The following IL11 variants were observed in gnomAD, a reference collection of about 807,000 sequenced individuals.
The protein encoded by IL11 is interleukin-11.
Under a neutral mutation model 18.1 loss-of-function variants are expected in IL11, and 17 were observed. The ratio of observed to expected loss-of-function variants is 0.94; its 90% CI spans 0.64 to 1.41. The LOEUF (loss-of-function observed/expected upper bound fraction) is 1.41. IL11 is among the 40% of genes most tolerant of loss of function. IL11 has a pLI of 0.00. For synonymous variants in IL11, 144 were observed against 134.1 expected (o/e 1.07, Z -0.51); for missense variants, 309 against 262.8 (o/e 1.18, Z -1.22).
At position 55,369,138 on chromosome 19, in the gene IL11, G is replaced by T. The variant is rs1442515149; in HGVS notation, c.8-197C>A. ...GGGGTCTGGACTCCTGGGTCTCGGG[G>T]AGGAGGGTCTGGGGCCTGGACTCCC... is the stretch of plus-strand genomic sequence containing the variant. On this transcript the variant is annotated intron_variant, in intron 1 of 4. Transcript: ENST00000264563. The surrounding 1 kb of genome is among the most constrained non-coding windows in gnomAD (Gnocchi z 6.1). The T allele has an allele frequency of 4.1e-6, 2 of 484,220 alleles. No homozygotes were observed. Among genetic ancestry groups the T allele is most frequent in the Non-Finnish European group, 7.2e-6 (2 of 276,262 alleles). 30.0% of individuals were successfully genotyped at this position (484,220 alleles called of 1,614,324 possible).
chr19:55,366,152 G>A lies in IL11; in HGVS notation c.455C>T (p.Pro152Leu). 6.7e-7 allele frequency: 1 copy of A among 1,503,048 alleles called. No individual in the cohort carries two copies. The highest frequency in any genetic ancestry group is 8.9e-7 in the Non-Finnish European group (1 of 1,120,044). The allele number at this position is 1,503,048 out of a possible 1,614,324, so 93.1% of individuals were successfully genotyped here. Residue 152 changes from proline to leucine, a missense_variant, in exon 5 of 5, where the codon CCA becomes CTA. Physicochemically the swap from Pro to Leu is moderately conservative, Grantham distance 98. Coordinates refer to ENST00000264563, the MANE Select transcript of IL11 (RefSeq NM_000641.4). This position sits in a 1 kb window ranked among gnomAD's most constrained non-coding sequence, Gnocchi z 4.6. ...CGGGGGCGCCGGCGGGTCCGGGGGT[G>A]GCTGGGGCAGGGCCAGGCGGGACAT... ...LLMSRLALPQPPPDPPAPPLA... is the reference protein window; with the variant it reads ...LLMSRLALPQLPPDPPAPPLA...
Position 55,368,820 on chromosome 19 carries a change from C to T in IL11, c.129G>A (p.Val43=). Residue 43 remains valine (V), a synonymous_variant, in exon 2 of 5, where the codon GTG becomes GTA. Transcript: ENST00000264563. ...CCGCCAGGAGAGAGCGGGTCAGGAG[C>T]ACGGTGCTGTCCAGCTCGGCCCGAG... ...PDPRAELDST[V]LLTRSLLADT... The T allele has an allele frequency of 6.3e-7, 1 of 1,593,262 alleles. No individual in the cohort carries two copies. The highest frequency in any genetic ancestry group is 8.5e-7 in the Non-Finnish European group (1 of 1,170,770).
intron 2 of IL11, 29 bp downstream of exon 2, chr19:55,368,740 T>C (rs1328028670): frequency 1.3e-6 from 2 of 1,554,294 alleles, no homozygotes; most frequent in Admixed American, 3.9e-5. Flanking sequence ...CTCTCACTCC[T>C]GTGCTGGCCC....
intron 4 of IL11, 109 bp downstream of exon 4, chr19:55,368,101 G>C: frequency 2.2e-6 from 2 of 929,286 alleles, no homozygotes; most frequent in Non-Finnish European, 3.2e-6. Context: ...GTCTCAGAGC[G>C]GGGCTGTTGC....
At chr19:55,370,263 T>C in intron 1 of IL11, 41 bp downstream of exon 1, 1 of 1,458,366 alleles carries the variant, frequency 6.9e-7, no homozygotes, top group Non-Finnish European at 9.4e-7. Context: ...CTCTCCTCCC[T>C]GCCTCCCTGT....
At chr19:55,368,594 T>C (rs765337084) in intron 2 of IL11, 25 bp from the exon 3 acceptor site, 1 of 1,589,860 alleles carries the variant, frequency 6.3e-7, no homozygotes, top group Admixed American at 1.8e-5. Flanking sequence ...AGCTGTGAGG[T>C]GGCCCCTGCC....
chr19:55,368,623 C>T (rs1246959117), intron 2 of IL11, 54 bp from the exon 3 acceptor site: 5 of 1,530,774 alleles, frequency 3.3e-6, no homozygotes, highest in Non-Finnish European at 4.4e-6. Flanking sequence ...GGGCTCCCTC[C>T]ATCCCCCACG....
rs1485876352 is a variant in IL11, at chr19:55,368,889, G to A, written c.60C>T (p.Val20=). Residue 20 remains valine (V), a synonymous_variant, in exon 2 of 5, where the codon GTC becomes GTT. Coordinates refer to ENST00000264563, the MANE Select transcript of IL11 (RefSeq NM_000641.4). ...VVLSLWPDTA[V]APGPPPGPPR... The stretch of plus-strand genomic sequence containing the variant: ...GGGGGCCAGGTGGTGGCCCAGGGGC[G>A]ACAGCTGTATCTGGCCACAGGCTCA... 1.9e-6 allele frequency: 3 copies of A among 1,564,468 alleles called. No homozygotes were observed. Among genetic ancestry groups the A allele is most frequent in the Middle Eastern group, 1.7e-4 (1 of 5,992 alleles).
In IL11 at chr19:55,365,876, A is replaced by T. The variant is rs2089781863; in HGVS notation, c.*131T>A. The T allele has an allele frequency of 7.1e-7, 1 of 1,411,436 alleles. No individual in the cohort carries two copies. The highest frequency in any genetic ancestry group is 9.6e-7 in the Non-Finnish European group (1 of 1,037,044). 87.4% of individuals were successfully genotyped at this position (1,411,436 alleles called of 1,614,324 possible). A position where few individuals can be genotyped will look rare whatever the true frequency, so the allele number is the denominator to read the frequency against. Reference sequence around the variant, plus strand: ...AAGGCACAGATGCCCCCCAGGCCTCACGGAAGGACTGTCTCTAACTAGGGG... The same window carrying T: ...AAGGCACAGATGCCCCCCAGGCCTCTCGGAAGGACTGTCTCTAACTAGGGG... On this transcript the variant is annotated 3_prime_UTR_variant, in exon 5 of 5. Coordinates refer to ENST00000264563, the MANE Select transcript of IL11 (RefSeq NM_000641.4).
In IL11 at chr19:55,369,067, G is replaced by A. The variant is rs2089804812; in HGVS notation, c.8-126C>T. On this transcript the variant is annotated intron_variant, in intron 1 of 4. Transcript: ENST00000264563. This position sits in a 1 kb window ranked among gnomAD's most constrained non-coding sequence, Gnocchi z 6.1. ...CTGGACTCCTCCTGGGTCTGAGGGA[G>A]GAGAGGCTGGGGGCCTGGACTCCTA... is the stretch of plus-strand genomic sequence containing the variant. 4 of 791,954 alleles carry A rather than the reference G, an allele frequency of 5.1e-6. No individual in the cohort carries two copies. Among genetic ancestry groups the A allele is most frequent in the Non-Finnish European group, 7.5e-6 (4 of 536,410 alleles). 49.1% of individuals were successfully genotyped at this position (791,954 alleles called of 1,614,324 possible).
rs1176581669 is a variant in IL11, at chr19:55,369,526, G to A, written c.8-585C>T. ...AGACGCCCTCCCAGGAGCCCCGCCG[G>A]GTGGGCGGCAGAAGCCCGGGCCGCA... On this transcript the variant is annotated intron_variant, in intron 1 of 4. Transcript: ENST00000264563. This position sits in a 1 kb window ranked among gnomAD's most constrained non-coding sequence, Gnocchi z 6.1. Among the ~76,000 whole-genome samples the A allele has an allele frequency of 6.6e-6, 1 of 151,612 alleles. No homozygotes were observed. The highest frequency in any genetic ancestry group is 1.5e-5 in the Non-Finnish European group (1 of 67,806).
In IL11 at chr19:55,366,252, G is replaced by A. The variant is rs1388567516; in HGVS notation, c.430-75C>T. ...TGCAGGGCAGGGGTGCTGTGGAGCT[G>A]CAGCTGAATCGGGGCTGCATATTCA... On this transcript the variant is annotated intron_variant, in intron 4 of 4. Coordinates refer to ENST00000264563, the MANE Select transcript of IL11 (RefSeq NM_000641.4). The surrounding 1 kb of genome is among the most constrained non-coding windows in gnomAD (Gnocchi z 4.6). 3 of 1,410,914 alleles carry A rather than the reference G, an allele frequency of 2.1e-6. No homozygotes were observed. Among genetic ancestry groups the A allele is most frequent in the Non-Finnish European group, 2.8e-6 (3 of 1,077,514 alleles). The allele number at this position is 1,410,914 out of a possible 1,614,324, so 87.4% of individuals were successfully genotyped here.
In IL11 at chr19:55,364,903, A is replaced by C. The variant is rs1428038651; in HGVS notation, c.*1104T>G. The stretch of plus-strand genomic sequence containing the variant: ...ATCCACAGATGCACCATGTTGCTTA[A>C]CCCTCACTGTTGGATATCTAGATTG... On this transcript the variant is annotated 3_prime_UTR_variant, in exon 5 of 5. Coordinates refer to ENST00000264563, the MANE Select transcript of IL11 (RefSeq NM_000641.4). The C allele has an allele frequency of 6.6e-6, 1 of 152,198 alleles. No individual in the cohort carries two copies. Among genetic ancestry groups the C allele is most frequent in the African/African-American group, 2.4e-5 (1 of 41,444 alleles). The allele number at this position is 152,198 out of a possible 1,614,324, so 9.4% of individuals were successfully genotyped here. A position where few individuals can be genotyped will look rare whatever the true frequency, so the allele number is the denominator to read the frequency against.
intron 1 of IL11, 61 bp downstream of exon 1, chr19:55,370,243 C>A: frequency 7.7e-7 from 1 of 1,306,178 alleles, no homozygotes; most frequent in Non-Finnish European, 1.1e-6. Flanking sequence ...CCCACCCCCG[C>A]CGTGGGTCCC....
intron 4 of IL11, 72 bp downstream of exon 4, chr19:55,368,138 A>G (rs925632794): frequency 7.4e-7 from 1 of 1,354,788 alleles, no homozygotes. Context: ...TCAGGCTTCA[A>G]GGACTCAGGC....
In IL11 at chr19:55,369,309, G is replaced by C. The variant is rs1182771365; in HGVS notation, c.8-368C>G. On this transcript the variant is annotated intron_variant, in intron 1 of 4. Transcript: ENST00000264563. The surrounding 1 kb of genome is among the most constrained non-coding windows in gnomAD (Gnocchi z 6.1). ...CAGACGCGGCCCGGGGCGGGTAGAC[G>C]GGCCGGGCGTCTCCCGTCCGCCCCC... 6.0e-6 allele frequency: 1 copy of C among 167,600 alleles called. No homozygotes were observed. Among genetic ancestry groups the C allele is most frequent in the Admixed American group, 6.2e-5 (1 of 16,060 alleles). The allele number at this position is 167,600 out of a possible 1,614,324, so 10.4% of individuals were successfully genotyped here. A position where few individuals can be genotyped will look rare whatever the true frequency, so the allele number is the denominator to read the frequency against.
At position 55,368,868 on chromosome 19, in the gene IL11, G is replaced by C; in HGVS notation, c.81C>G (p.Gly27=). 1 of 1,574,056 alleles carries C rather than the reference G, an allele frequency of 6.4e-7. No individual in the cohort carries two copies. The highest frequency in any genetic ancestry group is 8.6e-7 in the Non-Finnish European group (1 of 1,159,830). The part of the protein sequence containing the change: ...DTAVAPGPPP[G]PPRVSPDPRA... ...GAGGGTCTGGGGAAACTCGAGGGGGGCCAGGTGGTGGCCCAGGGGCGACAG... is the reference window on the plus strand; with the variant it reads ...GAGGGTCTGGGGAAACTCGAGGGGGCCCAGGTGGTGGCCCAGGGGCGACAG... The change falls in exon 2 of 5, where the codon GGC becomes GGG. Residue 27 remains glycine, a synonymous_variant. Transcript: ENST00000264563.
At chr19:55,367,596 G>C (rs1369515291) in intron 4 of IL11, among the ~76,000 whole-genome samples, 1 of 151,840 alleles carries the variant, frequency 6.6e-6, no homozygotes, top group Non-Finnish European at 1.5e-5. Context: ...AAGTAGCTGG[G>C]ATTACAGGCA....
At position 55,368,779 on chromosome 19, in the gene IL11, G is replaced by A; in HGVS notation, c.170C>T (p.Ala57Val). The change falls in exon 2 of 5, where the codon GCT (alanine) becomes GTT (valine). Residue 57 changes from alanine to valine, a missense_variant. Physicochemically the swap from Ala to Val is moderately conservative, Grantham distance 64. Transcript: ENST00000264563. ...CCCAGTCTCTCCTACCAGCTGTGCA[G>A]CCAGCTGCCGCGTGTCCGCCAGGAG... ...RSLLADTRQL[A>V]AQLRDKFPAD... 1 of 1,583,014 alleles carries A rather than the reference G, an allele frequency of 6.3e-7. No homozygotes were observed. Among genetic ancestry groups the A allele is most frequent in the Non-Finnish European group, 8.6e-7 (1 of 1,165,066 alleles).
Sources: allele counts gnomAD v4.1 joint callset (sites outside exome capture counted in the v4.1 genomes callset), GRCh38; gene constraint gnomAD v4.1.1; non-coding constraint Gnocchi (gnomAD v3.1); transcripts MANE v1.5; gene names NCBI Gene and HGNC (gene_info 2026-07-23, HGNC 2026-07-21).